CNTN4: variants seen among roughly 807,000 people sequenced by gnomAD.
The protein encoded by CNTN4 is contactin-4.
Under a neutral mutation model 122.5 loss-of-function variants are expected in CNTN4, and 77 were observed. The observed-to-expected ratio is 0.63, with a 90% CI of 0.52 to 0.76. CNTN4 has a LOEUF of 0.76. Ranked by LOEUF, CNTN4 falls within the 30% of genes least tolerant of loss-of-function variation. The pLI, the probability that CNTN4 is intolerant of heterozygous loss-of-function variation, is 0.00. For missense variants in CNTN4, 1,256 were observed against 1,259.1 expected (o/e 1.00, Z 0.04); for synonymous variants, 512 against 447.0 (o/e 1.15, Z -1.83).
intron 3 of CNTN4, among the ~76,000 whole-genome samples, chr3:2,416,019 T>C (rs1008954322): frequency 2.0e-5 from 3 of 152,132 alleles, no homozygotes; most frequent in Non-Finnish European, 2.9e-5. Flanking sequence ...TCAATAGCCA[T>C]TTAATAAGCA....
chr3:2,167,008 CTATG>C, intron 2 of CNTN4, among the ~76,000 whole-genome samples: 1 of 152,094 alleles, frequency 6.6e-6, no homozygotes, highest in East Asian at 1.9e-4. Context: ...AATCATTTCA[CTATG>C]TATATGTATA....
intron 2 of CNTN4, among the ~76,000 whole-genome samples, chr3:2,265,765 T>TA (rs35190603): frequency 0.53 from 78,707 of 148,858 alleles, 21,272 homozygotes; most frequent in South Asian, 0.68. Context: ...TATATATATA[T>TA]TTTTTTTTGT....
intron 2 of CNTN4, among the ~76,000 whole-genome samples, chr3:2,310,972 C>A: frequency 6.6e-6 from 1 of 152,036 alleles, no homozygotes; most frequent in East Asian, 1.9e-4. Context: ...CAAAAAGACT[C>A]CCTTGACTTT....
At chr3:2,456,941 T>G (rs1047490062) in intron 3 of CNTN4, among the ~76,000 whole-genome samples, 1 of 152,154 alleles carries the variant, frequency 6.6e-6, no homozygotes, top group African/African-American at 2.4e-5. Flanking sequence ...TACCAGGAAC[T>G]CTTTAGATTC....
intron 3 of CNTN4, among the ~76,000 whole-genome samples, chr3:2,452,630 TG>T (rs2048869845): frequency 6.6e-6 from 1 of 152,196 alleles, no homozygotes; most frequent in African/African-American, 2.4e-5. Flanking sequence ...CTGTATTTTT[TG>T]CTGAATTGGT....
chr3:2,204,568 C>T (rs2038251855), intron 2 of CNTN4, among the ~76,000 whole-genome samples: 1 of 152,138 alleles, frequency 6.6e-6, no homozygotes, highest in African/African-American at 2.4e-5. Context: ...ATAAACACAA[C>T]CTTTAAACAA....
intron 2 of CNTN4, among the ~76,000 whole-genome samples, chr3:2,289,217 A>G (rs1440995663): frequency 6.6e-6 from 1 of 152,232 alleles, no homozygotes; most frequent in Non-Finnish European, 1.5e-5. Context: ...TCTAACATGA[A>G]TGATGGAGTG....
chr3:2,960,956 C>T (rs1325305249), intron 13 of CNTN4, among the ~76,000 whole-genome samples: 2 of 152,000 alleles, frequency 1.3e-5, no homozygotes, highest in South Asian at 2.1e-4. Context: ...TTGTGCCGGG[C>T]GCGGTGACTC....
chr3:3,003,820 G>T (rs1050405579), intron 14 of CNTN4, among the ~76,000 whole-genome samples: 5 of 151,418 alleles, frequency 3.3e-5, no homozygotes, highest in Admixed American at 6.6e-5. Context: ...CATGATCATA[G>T]CTCACTGCAG....
intron 2 of CNTN4, among the ~76,000 whole-genome samples, chr3:2,178,043 T>A (rs2036835421): frequency 6.6e-6 from 1 of 152,122 alleles, no homozygotes; most frequent in Non-Finnish European, 1.5e-5. Flanking sequence ...ATTTTCAAAG[T>A]CATTACCATT....
intron 13 of CNTN4, 56 bp downstream of exon 13, chr3:2,925,835 G>C: frequency 6.8e-7 from 1 of 1,476,434 alleles, no homozygotes; most frequent in Non-Finnish European, 9.4e-7. Flanking sequence ...GTGTTGGTCT[G>C]TTATTAATAA....
intron 2 of CNTN4, among the ~76,000 whole-genome samples, chr3:2,181,645 T>G (rs765234913): frequency 1.3e-5 from 2 of 152,092 alleles, no homozygotes; most frequent in Non-Finnish European, 2.9e-5. Flanking sequence ...GCTTATTAAT[T>G]AGTTAGTGTT....
At chr3:3,049,847 T>C (rs1211025918) in intron 23 of CNTN4, among the ~76,000 whole-genome samples, 1 of 152,212 alleles carries the variant, frequency 6.6e-6, no homozygotes, top group Non-Finnish European at 1.5e-5. Flanking sequence ...ACTGCAGAGT[T>C]TGTGATTGTT....
intron 3 of CNTN4, among the ~76,000 whole-genome samples, chr3:2,461,773 T>G (rs1453616555): frequency 1.3e-5 from 2 of 152,250 alleles, no homozygotes; most frequent in African/African-American, 4.8e-5. Context: ...CTTTTTATAT[T>G]GGCTCATTTA....
chr3:2,737,286 G>A (rs1001754029), intron 5 of CNTN4, among the ~76,000 whole-genome samples: 5 of 152,066 alleles, frequency 3.3e-5, no homozygotes, highest in Admixed American at 1.3e-4. Flanking sequence ...TCACCATGTT[G>A]GCCAAACTGG....
chr3:2,745,013 A>G (rs981201738), intron 5 of CNTN4, among the ~76,000 whole-genome samples: 1 of 152,350 alleles, frequency 6.6e-6, no homozygotes, highest in African/African-American at 2.4e-5. Flanking sequence ...GCTCAAGATC[A>G]ATAGTTCCTC....
chr3:2,300,816 A>G (rs1272139395), intron 2 of CNTN4, among the ~76,000 whole-genome samples: 8 of 151,626 alleles, frequency 5.3e-5, no homozygotes, highest in East Asian at 3.9e-4. Flanking sequence ...TGATCCACCC[A>G]CCTCGGCCTC....
chr3:2,391,193 C>A (rs563102930), intron 3 of CNTN4, among the ~76,000 whole-genome samples: 1 of 152,288 alleles, frequency 6.6e-6, no homozygotes, highest in East Asian at 1.9e-4. Flanking sequence ...CTTGCCATAT[C>A]TTCAAATATA....
intron 6 of CNTN4, among the ~76,000 whole-genome samples, chr3:2,755,199 G>T (rs536956349): frequency 5.9e-5 from 9 of 152,144 alleles, no homozygotes; most frequent in Non-Finnish European, 1.0e-4. Context: ...CAGTCGATCA[G>T]AACAGTAGCT....
Sources: gnomAD v4.1 joint callset for allele counts (sites outside exome capture counted in the v4.1 genomes callset) on GRCh38, gnomAD v4.1.1 for gene constraint, MANE v1.5 for transcripts, NCBI Gene and HGNC (gene_info 2026-07-23, HGNC 2026-07-21) for gene names.